Variants in AFAP1 observed in about 807,000 individuals in gnomAD.
The protein encoded by AFAP1 is actin filament associated protein 1.
A neutral mutation model predicts 93.9 loss-of-function variants in AFAP1; 75 were observed. The observed-to-expected ratio is 0.80, with a 90% confidence interval of 0.66 to 0.97. The LOEUF (loss-of-function observed/expected upper bound fraction) is 0.97. AFAP1 is among the 50% of genes least tolerant of loss of function. The pLI is 0.00. For synonymous variants in AFAP1, 517 were observed against 430.7 expected, an observed-to-expected ratio of 1.20 and a Z score of -2.48; for missense variants, 1,201 against 1,050.8, an observed-to-expected ratio of 1.14 and a Z score of -1.98.
chr4:7,800,678 C>G (rs1260132041), intron 9 of AFAP1, 25 bp from the exon 10 acceptor site: 2 of 1,613,590 alleles, frequency 1.2e-6, no homozygotes, highest in Non-Finnish European at 1.7e-6. Context: ...GGCCACAGGT[C>G]AGCCGCCTCG....
chr4:7,824,302 C>T (rs1259514254), intron 6 of AFAP1, among the ~76,000 whole-genome samples: 4 of 152,260 alleles, frequency 2.6e-5, no homozygotes, highest in Non-Finnish European at 4.4e-5. Context: ...CTTGAGCCCT[C>T]GACTCCAGAA....
chr4:7,786,642 G>GT (rs1717293096), intron 11 of AFAP1, among the ~76,000 whole-genome samples: 1 of 148,918 alleles, frequency 6.7e-6, no homozygotes, highest in South Asian at 2.1e-4. Flanking sequence ...CCAACGCTAG[G>GT]TACACGCAGC....
chr4:7,808,710 G>C (rs1191098798), intron 9 of AFAP1, among the ~76,000 whole-genome samples: 1 of 152,178 alleles, frequency 6.6e-6, no homozygotes, highest in Non-Finnish European at 1.5e-5. Flanking sequence ...GGAGGTGCTT[G>C]GGTCATGGGA....
At chr4:7,929,127 G>A (rs1195318769) in intron 1 of AFAP1, among the ~76,000 whole-genome samples, 1 of 152,236 alleles carries the variant, frequency 6.6e-6, no homozygotes, top group Non-Finnish European at 1.5e-5. Context: ...CACAGACTAA[G>A]TATTTTGTGC....
At position 7,939,772 on chromosome 4, in the gene AFAP1, C is replaced by T. The variant is rs1240265055; in HGVS notation, c.-119G>A. The T allele has an allele frequency of 7.7e-6, 3 of 388,522 alleles. No homozygotes were observed. In the Admixed American group the frequency reaches 9.5e-5, roughly 12 times the overall value. The allele number at this position is 388,522 out of a possible 1,614,324, so 24.1% of individuals were successfully genotyped here. On this transcript the variant is annotated 5_prime_UTR_variant, in exon 1 of 18. Transcript: ENST00000420658. The surrounding 1 kb of genome is among the most constrained non-coding windows in gnomAD (Gnocchi z 5.6). ...TAACAATGGAGCCCCGGGGCGGGGCCGCCGCCGCCGCCTCAGCCCGTGTAC... is the reference window on the plus strand; with the variant it reads ...TAACAATGGAGCCCCGGGGCGGGGCTGCCGCCGCCGCCTCAGCCCGTGTAC...
At position 7,869,219 on chromosome 4, in the gene AFAP1, A is replaced by AGGGAAGGAGGAAG. The variant is rs550285900; in HGVS notation, c.128-513_128-501dup. Among the ~76,000 whole-genome samples the AGGGAAGGAGGAAG allele has an allele frequency of 1.5e-3, 221 of 150,396 alleles. 3 individuals are homozygous for AGGGAAGGAGGAAG. The highest frequency in any genetic ancestry group is 5.0e-3 in the African/African-American group (206 of 40,922). ...AAGGAAGGAAGGGAGGGATGGATGG[A>AGGGAAGGAGGAAG]GGGAAGGAGGAAGGGGAAGGAGGAA... On this transcript the variant is annotated intron_variant, in intron 2 of 17. Transcript: ENST00000420658.
chr4:7,850,098 A>G (rs1714265782), intron 4 of AFAP1, among the ~76,000 whole-genome samples: 1 of 152,142 alleles, frequency 6.6e-6, no homozygotes, highest in Non-Finnish European at 1.5e-5. Flanking sequence ...GATCTGACTT[A>G]TGTTTGAAAA....
chr4:7,880,355 C>T (rs1171308031), intron 1 of AFAP1, among the ~76,000 whole-genome samples: 1 of 147,850 alleles, frequency 6.8e-6, no homozygotes, highest in Non-Finnish European at 1.5e-5. Flanking sequence ...TCTTGGCTCA[C>T]TGCAATCTCT....
chr4:7,863,924 A>C (rs1351203244), intron 3 of AFAP1, among the ~76,000 whole-genome samples: 1 of 73,846 alleles, frequency 1.4e-5, no homozygotes. Context: ...AGAGCCCTTC[A>C]ATGGCTTACT....
At chr4:7,783,010 C>T (rs1244651382) in intron 12 of AFAP1, among the ~76,000 whole-genome samples, 2 of 152,202 alleles carry the variant, frequency 1.3e-5, no homozygotes, top group African/African-American at 2.4e-5. Context: ...CTACAGAGAC[C>T]TCACAGAAGT....
intron 1 of AFAP1, among the ~76,000 whole-genome samples, chr4:7,918,211 GGCT>G (rs33946154): frequency 0.55 from 76,892 of 139,382 alleles, 24,187 homozygotes; most frequent in African/African-American, 0.83. Flanking sequence ...CAGGAAACAG[GGCT>G]GCTGCCGGAT....
intron 8 of AFAP1, among the ~76,000 whole-genome samples, chr4:7,813,751 G>A (rs2149059817): frequency 6.6e-6 from 1 of 152,328 alleles, no homozygotes; most frequent in South Asian, 2.1e-4. Flanking sequence ...AGATAGGACA[G>A]ACTTAGAAAA....
chr4:7,890,684 T>G (rs187598002), intron 1 of AFAP1, among the ~76,000 whole-genome samples: 98 of 152,194 alleles, frequency 6.4e-4, no homozygotes, highest in African/African-American at 2.2e-3. Context: ...AATAAGCACA[T>G]AAAAATATGC....
chr4:7,826,016 C>A (rs1379196625), intron 6 of AFAP1, among the ~76,000 whole-genome samples: 1 of 150,822 alleles, frequency 6.6e-6, no homozygotes, highest in East Asian at 2.0e-4. Context: ...ATGCAAAAAA[C>A]CTACATGAAC....
chr4:7,880,174 TA>T (rs992386718), intron 1 of AFAP1, among the ~76,000 whole-genome samples: 1 of 152,130 alleles, frequency 6.6e-6, no homozygotes, highest in Admixed American at 6.6e-5. Context: ...AGAAATGACT[TA>T]TGGTTTGTGG....
chr4:7,838,855 C>CACACAT lies in AFAP1; in HGVS notation c.547-153_547-152insATGTGT, dbSNP rs557797739. 3.4e-4 allele frequency: 238 copies of CACACAT among 691,870 alleles called. No homozygotes were observed. In the African/African-American group the frequency reaches 3.8e-3, roughly 11 times the overall value. The allele number at this position is 691,870 out of a possible 1,614,324, so 42.9% of individuals were successfully genotyped here. A position where few individuals can be genotyped will look rare whatever the true frequency, so the allele number is the denominator to read the frequency against. ...AGGTTCACACACACACACACACACACACATACACACAGTGCTCTTCACAGA... is the reference window on the plus strand; with the variant it reads ...AGGTTCACACACACACACACACACACACACATACATACACACAGTGCTCTTCACAGA... On this transcript the variant is annotated intron_variant, in intron 5 of 17. Coordinates refer to ENST00000420658, the MANE Select transcript of AFAP1 (RefSeq NM_001134647.2).
At chr4:7,868,853 C>T (rs1716731345) in intron 2 of AFAP1, 134 bp from the exon 3 acceptor site, 1 of 737,916 alleles carries the variant, frequency 1.4e-6, no homozygotes, top group Middle Eastern at 2.3e-4. Context: ...TTACAACAGT[C>T]CTGCAAGGTT....
intron 8 of AFAP1, among the ~76,000 whole-genome samples, chr4:7,813,328 C>T (rs1172632929): frequency 1.3e-5 from 2 of 152,270 alleles, no homozygotes; most frequent in South Asian, 2.1e-4. Context: ...CAGTAACTAA[C>T]GAGCGTCTGC....
chr4:7,912,287 T>G (rs1719780157), intron 1 of AFAP1, among the ~76,000 whole-genome samples: 1 of 152,190 alleles, frequency 6.6e-6, no homozygotes, highest in African/African-American at 2.4e-5. Flanking sequence ...TGTGTGAAGG[T>G]TAAGTCTTCA....
Sources: gnomAD v4.1 joint callset for allele counts (sites outside exome capture counted in the v4.1 genomes callset) on GRCh38, gnomAD v4.1.1 for gene constraint, Gnocchi (gnomAD v3.1) non-coding constraint, MANE v1.5 for transcripts, NCBI Gene and HGNC (gene_info 2026-07-23, HGNC 2026-07-21) for gene names.